The following LDLRAD3 variants were observed in gnomAD, a reference collection of about 807,000 sequenced individuals.
LDLRAD3 encodes the protein low-density lipoprotein receptor class A domain-containing protein 3.
LDLRAD3 carries 20 observed loss-of-function variants against 29.4 expected under a neutral mutation model. The ratio of observed to expected loss-of-function variants is 0.68; its 90% confidence interval spans 0.48 to 0.99. The LOEUF (loss-of-function observed/expected upper bound fraction) is 0.99, where lower values mean the gene tolerates loss of function less well. Ranked by LOEUF, LDLRAD3 falls within the 50% of genes least tolerant of loss-of-function variation. LDLRAD3 has a pLI of 0.00. For synonymous variants in LDLRAD3, 157 were observed against 192.7 expected, an observed-to-expected ratio of 0.81 and a Z score of 1.53; for missense variants, 420 against 454.3, an observed-to-expected ratio of 0.92 and a Z score of 0.69.
intron 4 of LDLRAD3, among the ~76,000 whole-genome samples, chr11:36,149,108 C>A (rs1259181735): frequency 6.6e-6 from 1 of 152,160 alleles, no homozygotes; most frequent in African/African-American, 2.4e-5. Context: ...GACTCATGCC[C>A]ACATGATGAG....
intron 4 of LDLRAD3, among the ~76,000 whole-genome samples, chr11:36,112,961 C>A (rs1853625259): frequency 6.6e-6 from 1 of 151,844 alleles, no homozygotes; most frequent in Non-Finnish European, 1.5e-5. Context: ...AAGCTCTTAC[C>A]AAGAATGGTC....
intron 2 of LDLRAD3, among the ~76,000 whole-genome samples, chr11:36,046,516 C>A (rs1852452185): frequency 6.6e-6 from 1 of 152,114 alleles, no homozygotes; most frequent in South Asian, 2.1e-4. Context: ...GCTTCTTTGT[C>A]CAGATTTCTT....
chr11:36,073,574 T>C (rs187002624), intron 2 of LDLRAD3, among the ~76,000 whole-genome samples: 37 of 152,340 alleles, frequency 2.4e-4, no homozygotes, highest in African/African-American at 8.7e-4. Context: ...TGACAGCTGT[T>C]GTCTGGGATA....
intron 1 of LDLRAD3, among the ~76,000 whole-genome samples, chr11:35,989,826 G>A (rs535502324): frequency 4.6e-5 from 7 of 152,218 alleles, no homozygotes; most frequent in African/African-American, 1.4e-4. Flanking sequence ...GGTTCTCTAG[G>A]TATAGAATCA....
chr11:35,960,570 G>T (rs193159318), intron 1 of LDLRAD3, among the ~76,000 whole-genome samples: 1 of 152,052 alleles, frequency 6.6e-6, no homozygotes, highest in Admixed American at 6.6e-5. Context: ...CAAGGTGCAA[G>T]GTGGTGACTT....
intron 1 of LDLRAD3, among the ~76,000 whole-genome samples, chr11:36,017,990 T>C (rs1005382052): frequency 6.6e-6 from 1 of 152,240 alleles, no homozygotes; most frequent in Non-Finnish European, 1.5e-5. Flanking sequence ...TTGTGTAAGC[T>C]GAACCAGTTG....
chr11:36,068,889 G>C (rs190037706), intron 2 of LDLRAD3, among the ~76,000 whole-genome samples: 1 of 152,116 alleles, frequency 6.6e-6, no homozygotes, highest in African/African-American at 2.4e-5. Context: ...CCTCTTCTCA[G>C]CATAAAAGAG....
Position 36,027,691 on chromosome 11 carries a change from C to T in LDLRAD3, c.47-8412C>T, listed in dbSNP as rs148406274. On this transcript the variant is annotated intron_variant, in intron 1 of 5. Transcript: ENST00000315571. ...CTGCATGGAGCAGAAGAGAGACTAT[C>T]GAATGGTTCCCAGTGGCTGTGGAAA... Among the ~76,000 whole-genome samples the T allele has an allele frequency of 2.6e-5, 4 of 152,324 alleles. No homozygotes were observed. The East Asian group carries it at 5.8e-4, about 22-fold the overall frequency.
chr11:36,177,992 T>C (rs1417557477), intron 4 of LDLRAD3, among the ~76,000 whole-genome samples: 1 of 152,218 alleles, frequency 6.6e-6, no homozygotes, highest in African/African-American at 2.4e-5. Flanking sequence ...GAGTTTGCAG[T>C]GGCAAGCCAC....
intron 2 of LDLRAD3, among the ~76,000 whole-genome samples, chr11:36,051,452 A>C (rs1055384898): frequency 1.1e-4 from 17 of 152,248 alleles, no homozygotes; most frequent in Non-Finnish European, 2.2e-4. Context: ...CCACATCTGT[A>C]AAATGAGATA....
intron 4 of LDLRAD3, among the ~76,000 whole-genome samples, chr11:36,148,503 A>G (rs1854230359): frequency 6.6e-6 from 1 of 152,094 alleles, no homozygotes; most frequent in Non-Finnish European, 1.5e-5. Flanking sequence ...TTTTGGAAAA[A>G]TCTTCTGACA....
intron 4 of LDLRAD3, among the ~76,000 whole-genome samples, chr11:36,214,366 G>A (rs776962300): frequency 2.0e-5 from 3 of 152,208 alleles, no homozygotes; most frequent in African/African-American, 2.4e-5. Context: ...CTTTGGGAGA[G>A]GAGTCTGCCT....
chr11:36,048,065 T>G (rs1439230191), intron 2 of LDLRAD3, among the ~76,000 whole-genome samples: 1 of 152,194 alleles, frequency 6.6e-6, no homozygotes, highest in Non-Finnish European at 1.5e-5. Flanking sequence ...TCCCCAGGGA[T>G]GCATTGTGCC....
chr11:36,179,838 T>A (rs922673943), intron 4 of LDLRAD3, among the ~76,000 whole-genome samples: 1 of 151,528 alleles, frequency 6.6e-6, no homozygotes, highest in African/African-American at 2.4e-5. Flanking sequence ...TACAAAAAAA[T>A]AAAAAATTAG....
chr11:36,037,888 A>T (rs1436802453), intron 2 of LDLRAD3, among the ~76,000 whole-genome samples: 1 of 152,094 alleles, frequency 6.6e-6, no homozygotes, highest in Non-Finnish European at 1.5e-5. Flanking sequence ...CACTATACAC[A>T]CTGAATTTTT....
At chr11:35,978,622 G>A (rs1002934162) in intron 1 of LDLRAD3, among the ~76,000 whole-genome samples, 3 of 152,178 alleles carry the variant, frequency 2.0e-5, no homozygotes, top group Non-Finnish European at 2.9e-5. Flanking sequence ...GAAAGGATTC[G>A]CTGTTTTCTT....
intron 1 of LDLRAD3, among the ~76,000 whole-genome samples, chr11:36,020,702 T>C (rs1357493098): frequency 6.6e-6 from 1 of 152,142 alleles, no homozygotes; most frequent in Non-Finnish European, 1.5e-5. Flanking sequence ...TGGGGGCTTG[T>C]ACATTGTCTT....
At chr11:36,017,713 C>CG (rs990802540) in intron 1 of LDLRAD3, among the ~76,000 whole-genome samples, 3 of 151,846 alleles carry the variant, frequency 2.0e-5, no homozygotes, top group African/African-American at 7.3e-5. Flanking sequence ...TTAGTAGAGA[C>CG]GGGGTTTCAC....
At chr11:36,142,008 A>C (rs1854093527) in intron 4 of LDLRAD3, among the ~76,000 whole-genome samples, 1 of 152,184 alleles carries the variant, frequency 6.6e-6, no homozygotes, top group South Asian at 2.1e-4. Flanking sequence ...CCTGAATCTC[A>C]GACAGGATGT....
Sources: gnomAD v4.1 joint callset for allele counts (sites outside exome capture counted in the v4.1 genomes callset) on GRCh38, gnomAD v4.1.1 for gene constraint, MANE v1.5 for transcripts, NCBI Gene and HGNC (gene_info 2026-07-23, HGNC 2026-07-21) for gene names.